LRP1B: variants seen among roughly 807,000 people sequenced by gnomAD.
LRP1B encodes low-density lipoprotein receptor-related protein 1B.
LRP1B carries 217 observed loss-of-function variants against 556.6 expected under a neutral mutation model. The observed-to-expected ratio is 0.39, with a 90% CI of 0.35 to 0.44. LRP1B has a LOEUF of 0.44. Among genes scored for constraint, LRP1B ranks in the 20% least tolerant of loss-of-function variants. The pLI is 1.00. For missense variants in LRP1B, 5,053 were observed against 5,620.8 expected, an observed-to-expected ratio of 0.90 and a Z score of 3.23; for synonymous variants, 2,047 against 1,865.8, an observed-to-expected ratio of 1.10 and a Z score of -2.50.
chr2:141,762,700 A>G (rs546654253), intron 2 of LRP1B, among the ~76,000 whole-genome samples: 2 of 152,266 alleles, frequency 1.3e-5, no homozygotes, highest in Middle Eastern at 6.8e-3. Flanking sequence ...GTCCTTGTGC[A>G]TATATGCTGG....
chr2:141,812,784 A>G (rs1696401239), intron 1 of LRP1B, among the ~76,000 whole-genome samples: 1 of 152,146 alleles, frequency 6.6e-6, no homozygotes, highest in Non-Finnish European at 1.5e-5. Context: ...TGATTTGACT[A>G]AGGTAATGGG....
chr2:141,621,291 T>A (rs1385981491), intron 2 of LRP1B, among the ~76,000 whole-genome samples: 1 of 152,188 alleles, frequency 6.6e-6, no homozygotes, highest in Admixed American at 6.5e-5. Flanking sequence ...ATTTATGAGT[T>A]TAAAACAATT....
At chr2:141,917,831 A>G (rs528709400) in intron 1 of LRP1B, among the ~76,000 whole-genome samples, 1 of 152,324 alleles carries the variant, frequency 6.6e-6, no homozygotes, top group East Asian at 1.9e-4. Flanking sequence ...CATCTTAAAT[A>G]ACAGTACACA....
intron 83 of LRP1B, among the ~76,000 whole-genome samples, chr2:140,305,549 T>G (rs574999695): frequency 5.3e-5 from 8 of 152,300 alleles, no homozygotes; most frequent in South Asian, 2.1e-4. Context: ...AAGGGGATTT[T>G]GGGCTGAGAA....
intron 43 of LRP1B, among the ~76,000 whole-genome samples, chr2:140,548,352 C>T (rs775692185): frequency 6.6e-6 from 1 of 152,128 alleles, no homozygotes; most frequent in Non-Finnish European, 1.5e-5. Context: ...AAGACATAAT[C>T]TTCTTTACAT....
chr2:141,756,928 T>C (rs574306949), intron 2 of LRP1B, among the ~76,000 whole-genome samples: 50 of 152,272 alleles, frequency 3.3e-4, no homozygotes, highest in African/African-American at 7.9e-4. Context: ...TATATACATA[T>C]ATAAAAATAT....
rs149379624 is a variant in LRP1B, at chr2:141,540,031, T to C, written c.206-59498A>G. Among the ~76,000 whole-genome samples, 644 of 152,234 alleles carry C rather than the reference T, an allele frequency of 4.2e-3. 15 individuals are homozygous for C. The highest frequency in any genetic ancestry group is 0.035 in the Admixed American group (535 of 15,266). ...GAAAATAGGTGTTTCCAATAGCTCC[T>C]AACTTGAACTAAGCTGCTCAAGTCA... On this transcript the variant is annotated intron_variant, in intron 2 of 90. Transcript: ENST00000389484.
chr2:140,411,920 T>C (rs1684983727), intron 66 of LRP1B, among the ~76,000 whole-genome samples: 3 of 152,074 alleles, frequency 2.0e-5, no homozygotes, highest in African/African-American at 7.2e-5. Flanking sequence ...TTAAAAGCTA[T>C]CAAGAAACTT....
chr2:140,389,703 A>C (rs1167843486), intron 66 of LRP1B, among the ~76,000 whole-genome samples: 5 of 148,402 alleles, frequency 3.4e-5, no homozygotes, highest in African/African-American at 4.9e-5. Context: ...CATTTTTTCC[A>C]AAGTTTTATA....
intron 1 of LRP1B, among the ~76,000 whole-genome samples, chr2:141,828,634 G>C (rs976154077): frequency 6.6e-6 from 1 of 151,940 alleles, no homozygotes; most frequent in Non-Finnish European, 1.5e-5. Context: ...AAGTTACCTC[G>C]TGCTGGTTTC....
chr2:140,386,538 T>C (rs1683767498), intron 66 of LRP1B, among the ~76,000 whole-genome samples: 1 of 152,244 alleles, frequency 6.6e-6, no homozygotes, highest in Admixed American at 6.5e-5. Flanking sequence ...TAGGTTATAA[T>C]AATGCTTCAC....
chr2:140,649,464 C>A (rs1684599306), intron 41 of LRP1B, among the ~76,000 whole-genome samples: 1 of 152,184 alleles, frequency 6.6e-6, no homozygotes, highest in Non-Finnish European at 1.5e-5. Context: ...CAAATTGTCC[C>A]CAGACTACAT....
chr2:140,947,488 C>T (rs955357280), intron 20 of LRP1B, among the ~76,000 whole-genome samples: 1 of 152,200 alleles, frequency 6.6e-6, no homozygotes, highest in African/African-American at 2.4e-5. Flanking sequence ...CTCTTTCTTC[C>T]ACAGCAGGTT....
intron 6 of LRP1B, among the ~76,000 whole-genome samples, chr2:141,201,102 G>T (rs1311153838): frequency 1.3e-5 from 2 of 152,114 alleles, no homozygotes; most frequent in Non-Finnish European, 2.9e-5. Context: ...TTTTATGAAA[G>T]GACAATTAGG....
At chr2:141,150,869 TTGTGTGTGTGTGTGTGTGTGTGTGTGTG>T (rs56107003) in intron 7 of LRP1B, among the ~76,000 whole-genome samples, 8 of 138,626 alleles carry the variant, frequency 5.8e-5, no homozygotes, top group Non-Finnish European at 9.3e-5. Context: ...TCATGCTGGT[TTGTGTGTGTGTGTGTGTGTGTGTGTGTG>T]TGTGTGTGTG....
At chr2:140,874,533 TC>T (rs539517565) in intron 25 of LRP1B, among the ~76,000 whole-genome samples, 2 of 152,178 alleles carry the variant, frequency 1.3e-5, no homozygotes, top group Non-Finnish European at 2.9e-5. Context: ...TGGTAACCAG[TC>T]TAACAGATTT....
intron 3 of LRP1B, among the ~76,000 whole-genome samples, chr2:141,439,064 A>G (rs1382950277): frequency 6.6e-6 from 1 of 152,162 alleles, no homozygotes; most frequent in Non-Finnish European, 1.5e-5. Context: ...TATAATGTTC[A>G]TAAAATTCTA....
chr2:141,458,035 GT>G (rs1559080875), intron 3 of LRP1B, among the ~76,000 whole-genome samples: 1 of 152,130 alleles, frequency 6.6e-6, no homozygotes, highest in South Asian at 2.1e-4. Context: ...TAAAAGTACT[GT>G]TTGTAAGTGG....
At chr2:142,122,203 T>C (rs898163425) in intron 1 of LRP1B, among the ~76,000 whole-genome samples, 2 of 152,082 alleles carry the variant, frequency 1.3e-5, no homozygotes, top group African/African-American at 2.4e-5. Flanking sequence ...TTCATTACTT[T>C]ATGTTCTCCT....
Sources: allele counts gnomAD v4.1 joint callset (sites outside exome capture counted in the v4.1 genomes callset), GRCh38; gene constraint gnomAD v4.1.1; transcripts MANE v1.5; gene names NCBI Gene and HGNC (gene_info 2026-07-23, HGNC 2026-07-21).